The following EYA4 variants were observed in gnomAD, a reference collection of about 807,000 sequenced individuals.
EYA4 encodes protein phosphatase EYA4.
Under a neutral mutation model 87.9 loss-of-function variants are expected in EYA4, and 31 were observed. The observed-to-expected ratio is 0.35, with a 90% CI of 0.27 to 0.48. EYA4 has a LOEUF of 0.48. Among genes scored for constraint, EYA4 ranks in the 20% least tolerant of loss-of-function variants. The pLI is 0.99. For missense variants in EYA4, 678 were observed against 761.4 expected (o/e 0.89, Z 1.29); for synonymous variants, 263 against 270.6 (o/e 0.97, Z 0.28).
chr6:133,343,291 G>T (rs553473474), intron 2 of EYA4, among the ~76,000 whole-genome samples: 6 of 152,104 alleles, frequency 3.9e-5, no homozygotes, highest in Non-Finnish European at 5.9e-5. Context: ...ATGACCCTGT[G>T]ACCTTTCTTT....
intron 3 of EYA4, among the ~76,000 whole-genome samples, chr6:133,400,352 A>T (rs1448934208): frequency 6.6e-6 from 1 of 152,108 alleles, no homozygotes; most frequent in Non-Finnish European, 1.5e-5. Context: ...TACTGAAAAT[A>T]CAAAAATTAG....
At chr6:133,269,878 A>T (rs1386804391) in intron 1 of EYA4, among the ~76,000 whole-genome samples, 1 of 152,194 alleles carries the variant, frequency 6.6e-6, no homozygotes, top group Non-Finnish European at 1.5e-5. Flanking sequence ...GGGTCCTCCA[A>T]TAGGCTGTCT....
intron 1 of EYA4, among the ~76,000 whole-genome samples, chr6:133,262,698 G>A (rs558716025): frequency 6.6e-6 from 1 of 152,322 alleles, no homozygotes; most frequent in East Asian, 1.9e-4. Context: ...AGTAGAGCTT[G>A]TTGTAACTTT....
intron 2 of EYA4, among the ~76,000 whole-genome samples, chr6:133,329,901 C>G (rs1408716081): frequency 6.6e-6 from 1 of 151,920 alleles, no homozygotes; most frequent in East Asian, 1.9e-4. Flanking sequence ...GGGATCAATT[C>G]TAAAGGAGAA....
intron 13 of EYA4, chr6:133,502,366 C>G (rs903248497): frequency 1.3e-5 from 2 of 152,058 alleles, no homozygotes; most frequent in African/African-American, 4.8e-5. Flanking sequence ...TAAAAAAAAG[C>G]AACTCTTGAT....
chr6:133,346,321 C>T (rs1783190701), intron 2 of EYA4, among the ~76,000 whole-genome samples: 1 of 152,118 alleles, frequency 6.6e-6, no homozygotes, highest in African/African-American at 2.4e-5. Flanking sequence ...GGGATAATTA[C>T]ATAATCTTTC....
chr6:133,482,248 C>G (rs981133359), intron 12 of EYA4, among the ~76,000 whole-genome samples: 3 of 152,192 alleles, frequency 2.0e-5, no homozygotes, highest in Non-Finnish European at 4.4e-5. Flanking sequence ...TTAGTAAAAT[C>G]AAGTGACAGA....
At chr6:133,269,251 T>A (rs75106170) in intron 1 of EYA4, among the ~76,000 whole-genome samples, 1 of 152,242 alleles carries the variant, frequency 6.6e-6, no homozygotes, top group Middle Eastern at 3.4e-3. Flanking sequence ...AGAGCAGGAC[T>A]TCATCTCAAA....
At chr6:133,322,066 T>C (rs1781134654) in intron 2 of EYA4, among the ~76,000 whole-genome samples, 1 of 152,218 alleles carries the variant, frequency 6.6e-6, no homozygotes, top group Admixed American at 6.5e-5. Flanking sequence ...CCAGAGGGCT[T>C]ATGTCAGTGA....
intron 2 of EYA4, among the ~76,000 whole-genome samples, chr6:133,300,847 C>G (rs945271745): frequency 1.3e-5 from 2 of 152,190 alleles, no homozygotes; most frequent in African/African-American, 2.4e-5. Context: ...TGAGACTCTT[C>G]TCATGAAGTG....
chr6:133,507,381 T>TA, intron 14 of EYA4: 1 of 282 alleles, frequency 3.5e-3, no homozygotes, highest in Non-Finnish European at 6.8e-3. Flanking sequence ...CTTAAATAAC[T>TA]TTTTTTTTTA....
chr6:133,520,784 G>A (rs1381848586), intron 17 of EYA4, among the ~76,000 whole-genome samples: 5 of 152,186 alleles, frequency 3.3e-5, no homozygotes, highest in Non-Finnish European at 7.3e-5. Context: ...CAAAGGAACA[G>A]AACAGCGCCC....
chr6:133,260,725 G>A (rs185720852), intron 1 of EYA4, among the ~76,000 whole-genome samples: 226 of 152,286 alleles, frequency 1.5e-3, no homozygotes, highest in Non-Finnish European at 2.2e-3. Flanking sequence ...CTGCAAGGCT[G>A]AAGTTTTGAT....
chr6:133,324,778 A>G (rs1781361623), intron 2 of EYA4, among the ~76,000 whole-genome samples: 1 of 152,108 alleles, frequency 6.6e-6, no homozygotes, highest in Non-Finnish European at 1.5e-5. Flanking sequence ...TAAAAATAAT[A>G]ATAAATTAAA....
intron 1 of EYA4, among the ~76,000 whole-genome samples, chr6:133,272,161 G>GA (rs1776747226): frequency 6.6e-6 from 1 of 152,200 alleles, no homozygotes; most frequent in South Asian, 2.1e-4. Context: ...AGATGTCCCA[G>GA]AAAGGGGCTG....
At chr6:133,441,356 A>G (rs919785297) in intron 3 of EYA4, among the ~76,000 whole-genome samples, 1 of 152,192 alleles carries the variant, frequency 6.6e-6, no homozygotes, top group Non-Finnish European at 1.5e-5. Flanking sequence ...TCTTCTCCCT[A>G]TGCAATATAG....
chr6:133,310,309 C>G lies in EYA4; in HGVS notation c.33+35496C>G, dbSNP rs117349426. ...TCATCTTATTCTGACTTGAAAACTA[C>G]TTCACTATCTATATGATTATTTTGG... On this transcript the variant is annotated intron_variant, in intron 2 of 19. Coordinates refer to ENST00000355286, the MANE Select transcript of EYA4 (RefSeq NM_004100.5). 2.0e-3 allele frequency among the ~76,000 whole-genome samples: 307 copies of G among 152,280 alleles called. 5 individuals carry two copies. In the East Asian group the frequency reaches 0.032, roughly 16 times the overall value.
intron 3 of EYA4, among the ~76,000 whole-genome samples, chr6:133,444,803 G>A (rs1213850397): frequency 6.6e-6 from 1 of 152,100 alleles, no homozygotes; most frequent in Admixed American, 6.5e-5. Context: ...AGGATGTCTG[G>A]GCAGCGTACT....
At chr6:133,246,108 T>C (rs114013801) in intron 1 of EYA4, among the ~76,000 whole-genome samples, 3,235 of 152,298 alleles carry the variant, frequency 0.021, 99 homozygotes, top group African/African-American at 0.069. Context: ...TTTGAGACAG[T>C]TTCAGAGAGT....
Sources: allele counts gnomAD v4.1 joint callset (sites outside exome capture counted in the v4.1 genomes callset), GRCh38; gene constraint gnomAD v4.1.1; transcripts MANE v1.5; gene names NCBI Gene and HGNC (gene_info 2026-07-23, HGNC 2026-07-21).